The following PVT1 variants were observed in gnomAD, a reference collection of about 807,000 sequenced individuals.
PVT1 encodes CXCR4/PVT1 fusion.
intron 3 of PVT1, among the ~76,000 whole-genome samples, chr8:127,900,470 G>A (rs1246264721): frequency 5.3e-5 from 8 of 152,178 alleles, no homozygotes; most frequent in African/African-American, 1.7e-4. Flanking sequence ...AACAGGTCAT[G>A]CTCTTACAAT....
chr8:127,967,476 C>T (rs1816716069), intron 3 of PVT1, among the ~76,000 whole-genome samples: 1 of 152,228 alleles, frequency 6.6e-6, no homozygotes, highest in Non-Finnish European at 1.5e-5. Flanking sequence ...GCACTGGGGC[C>T]ACCCTGAGCA....
chr8:127,861,527 T>G (rs946996572), intron 2 of PVT1, among the ~76,000 whole-genome samples: 7 of 151,782 alleles, frequency 4.6e-5, no homozygotes, highest in Non-Finnish European at 1.0e-4. Flanking sequence ...AACATCTTGT[T>G]GTCTTGCTTT....
chr8:127,900,615 A>G (rs190738929), intron 3 of PVT1, among the ~76,000 whole-genome samples: 25 of 152,300 alleles, frequency 1.6e-4, no homozygotes, highest in South Asian at 6.2e-4. Flanking sequence ...AGATGATGCT[A>G]CTATGCTTGT....
At chr8:127,928,764 G>A (rs114065866) in intron 3 of PVT1, among the ~76,000 whole-genome samples, 276 of 152,302 alleles carry the variant, frequency 1.8e-3, no homozygotes, top group African/African-American at 6.2e-3. Context: ...GTCCTGCTGC[G>A]GTGGCTGCAG....
intron 6 of PVT1, among the ~76,000 whole-genome samples, chr8:128,100,131 C>T (rs1394811655): frequency 4.7e-5 from 1 of 21,420 alleles, no homozygotes; most frequent in Non-Finnish European, 1.2e-4. Context: ...CCCTCCATCC[C>T]TCCCTCCCTT....
rs542773938 is a variant in PVT1, at chr8:127,896,273, A to C, written n.782+5275A>C. ...TTTTGGCAGGGGGTGCTGCATTGAC[A>C]AGGAGTGGTCTCGGTGACAGTTTTG... On this transcript the variant is annotated intron_variant and non_coding_transcript_variant, in intron 3 of 10. Coordinates refer to ENST00000651587, the Ensembl canonical transcript of PVT1. 1.4e-4 allele frequency among the ~76,000 whole-genome samples: 21 copies of C among 151,980 alleles called. No homozygotes were observed. The South Asian group carries it at 4.4e-3, about 32-fold the overall frequency.
intron 4 of PVT1, among the ~76,000 whole-genome samples, chr8:128,053,175 G>A (rs762992657): frequency 6.6e-6 from 1 of 152,164 alleles, no homozygotes; most frequent in African/African-American, 2.4e-5. Context: ...TGAGATCTGA[G>A]CTCACTCATC....
chr8:127,800,123 G>C (rs929134653), intron 2 of PVT1, among the ~76,000 whole-genome samples: 4 of 152,218 alleles, frequency 2.6e-5, no homozygotes, highest in African/African-American at 9.6e-5. Context: ...ACTTAGCAGA[G>C]CACTTAGCAC....
intron 4 of PVT1, among the ~76,000 whole-genome samples, chr8:128,041,644 A>G (rs1813546954): frequency 2.1e-5 from 3 of 142,834 alleles, no homozygotes; most frequent in Non-Finnish European, 4.6e-5. Flanking sequence ...ATGTGTGGTG[A>G]ATGTGTGTGT....
rs1156486396 is a variant in PVT1 at position 127,814,761 on chromosome 8, C to T, written n.372+18690C>T. 4.6e-5 allele frequency among the ~76,000 whole-genome samples: 7 copies of T among 152,110 alleles called. No individual in the cohort carries two copies. In the East Asian group the frequency reaches 5.8e-4, roughly 13 times the overall value. ...ATTGGTATTGTTGTGTAACCATCAC[C>T]GCTAATCTAACCATCTCCGGAACAT... On this transcript the variant is annotated intron_variant and non_coding_transcript_variant, in intron 2 of 10. Transcript: ENST00000651587.
chr8:127,835,021 T>A (rs1200328084), intron 2 of PVT1, among the ~76,000 whole-genome samples: 1 of 152,168 alleles, frequency 6.6e-6, no homozygotes, highest in East Asian at 1.9e-4. Context: ...GTTCAACCAT[T>A]GTGGAAGACA....
intron 2 of PVT1, among the ~76,000 whole-genome samples, chr8:127,803,970 C>G (rs113347759): frequency 0.022 from 3,411 of 151,918 alleles, 67 homozygotes; most frequent in African/African-American, 0.038. Flanking sequence ...CTGCCTGCCT[C>G]GGCCTCCCAA....
rs572534145 is a variant in PVT1 at position 127,867,636 on chromosome 8, A to G, written n.373-22953A>G. Among the ~76,000 whole-genome samples, 74 of 152,314 alleles carry G rather than the reference A, an allele frequency of 4.9e-4. 1 individual carries two copies. In the South Asian group the frequency reaches 0.011, roughly 22 times the overall value. Reference sequence around the variant, plus strand: ...TCTGGGCTGGCCTTGATTGAAGGTAAAAAATGAACTTCGAGGATAGCCCCT... The same window carrying G: ...TCTGGGCTGGCCTTGATTGAAGGTAGAAAATGAACTTCGAGGATAGCCCCT... On this transcript the variant is annotated intron_variant and non_coding_transcript_variant, in intron 2 of 10. Coordinates refer to ENST00000651587, the Ensembl canonical transcript of PVT1.
intron 2 of PVT1, among the ~76,000 whole-genome samples, chr8:127,879,720 A>G (rs1166353355): frequency 1.3e-5 from 2 of 152,182 alleles, no homozygotes; most frequent in African/African-American, 2.4e-5. Context: ...GATTACAGGA[A>G]CACAACCAAT....
At chr8:128,030,928 G>A (rs930425351) in intron 4 of PVT1, among the ~76,000 whole-genome samples, 1 of 152,150 alleles carries the variant, frequency 6.6e-6, no homozygotes. Context: ...AATGACTATC[G>A]AATTGTGGAA....
chr8:127,857,112 G>C (rs2129744083), intron 2 of PVT1, among the ~76,000 whole-genome samples: 1 of 152,302 alleles, frequency 6.6e-6, no homozygotes, highest in East Asian at 1.9e-4. Context: ...TGTAATCCCA[G>C]CTACTCGAGA....
chr8:127,921,213 C>T (rs1039149343), intron 3 of PVT1, among the ~76,000 whole-genome samples: 13 of 151,962 alleles, frequency 8.6e-5, no homozygotes, highest in African/African-American at 2.9e-4. Flanking sequence ...GTGTGCCGAG[C>T]GCTGAGTAGT....
intron 5 of PVT1, among the ~76,000 whole-genome samples, chr8:128,081,006 G>A (rs117362020): frequency 0.023 from 3,429 of 152,224 alleles, 55 homozygotes; most frequent in Non-Finnish European, 0.032. Flanking sequence ...CTTTGTCAAA[G>A]GTCAGTTGAC....
At chr8:128,076,762 A>G (rs546851054) in intron 5 of PVT1, among the ~76,000 whole-genome samples, 64 of 152,286 alleles carry the variant, frequency 4.2e-4, no homozygotes, top group African/African-American at 1.5e-3. Flanking sequence ...TCACCTGCAA[A>G]TAGGTCATCT....
Sources: gnomAD v4.1 joint callset for allele counts (sites outside exome capture counted in the v4.1 genomes callset) on GRCh38, gnomAD v4.1.1 for gene constraint, MANE v1.5 for transcripts, NCBI Gene and HGNC (gene_info 2026-07-23, HGNC 2026-07-21) for gene names.